The following OPHN1 variants were observed in gnomAD, a reference collection of about 807,000 sequenced individuals.
The protein encoded by OPHN1 is oligophrenin 1.
A neutral mutation model predicts 60.7 loss-of-function variants in OPHN1; 11 were observed. The ratio of observed to expected loss-of-function variants is 0.18; its 90% CI spans 0.11 to 0.30. The LOEUF (loss-of-function observed/expected upper bound fraction) is 0.30, where lower values mean the gene tolerates loss of function less well. Ranked by LOEUF, OPHN1 falls within the 10% of genes least tolerant of loss-of-function variation. OPHN1 has a pLI of 1.00. For missense variants in OPHN1, 449 were observed against 611.0 expected (o/e 0.73, Z 2.80); for synonymous variants, 226 against 222.6 (o/e 1.02, Z -0.14).
intron 9 of OPHN1, among the ~76,000 whole-genome samples, chrX:68,209,715 G>A (rs1247686605): frequency 8.9e-6 from 1 of 112,120 alleles, no homozygotes; most frequent in Non-Finnish European, 1.9e-5. Context: ...AAATGGTGAC[G>A]TCTCTGAGCC....
chrX:68,189,525 G>T (rs1279883753), intron 15 of OPHN1, among the ~76,000 whole-genome samples: 10 of 105,582 alleles, frequency 9.5e-5, no homozygotes, highest in South Asian at 4.5e-4. Context: ...CCCACAACAG[G>T]CCCCAGTGTG....
rs1297484256 is a variant in OPHN1 at position 68,111,890 on chromosome X, C to T, written c.1490G>A (p.Arg497Gln). ...SLVYKLPEKN[R>Q]EMLELLIRHL... is the part of the protein sequence containing the mutation. The stretch of plus-strand genomic sequence containing the variant: ...TCTTATCAGAAGTTCCAGCATCTCT[C>T]GGTTCTTTTCTGGTAGCTTATATAC... Residue 497 changes from arginine to glutamine, a missense_variant, in exon 18 of 25, where the codon CGA becomes CAA. Coordinates refer to ENST00000355520, the MANE Select transcript of OPHN1 (RefSeq NM_002547.3). The T allele has an allele frequency of 1.4e-5, 17 of 1,204,839 alleles. No homozygotes were observed. The highest frequency in any genetic ancestry group is 7.0e-5 in the African/African-American group (4 of 56,812).
chrX:68,239,908 C>G, intron 5 of OPHN1, among the ~76,000 whole-genome samples: 1 of 109,727 alleles, frequency 9.1e-6, no homozygotes, highest in Non-Finnish European at 1.9e-5. Context: ...CTCCCGGGTT[C>G]AAGCAATTCT....
At chrX:68,143,390 G>A in intron 15 of OPHN1, among the ~76,000 whole-genome samples, 1 of 111,315 alleles carries the variant, frequency 9.0e-6, no homozygotes, top group Admixed American at 9.6e-5. Flanking sequence ...GTCCAGGAGA[G>A]GAAAAATGTT....
At chrX:68,277,001 A>T (rs2077994887) in intron 4 of OPHN1, among the ~76,000 whole-genome samples, 1 of 111,750 alleles carries the variant, frequency 8.9e-6, no homozygotes, top group African/African-American at 3.3e-5. Flanking sequence ...AAATGCCATC[A>T]TTTGGAGCAG....
At chrX:68,263,237 A>C (rs1876265745) in intron 5 of OPHN1, among the ~76,000 whole-genome samples, 2 of 111,185 alleles carry the variant, frequency 1.8e-5, no homozygotes, top group Admixed American at 9.6e-5. Context: ...ACGAACCTCC[A>C]CTTCTATGAC....
rs1211874216 is a variant in OPHN1 at position 68,364,655 on chromosome X, G to A, written c.155-65559C>T. 2.7e-5 allele frequency among the ~76,000 whole-genome samples: 3 copies of A among 112,332 alleles called. No individual in the cohort carries two copies. In the Admixed American group the frequency reaches 2.9e-4, roughly 11 times the overall value. On this transcript the variant is annotated intron_variant, in intron 2 of 24. Transcript: ENST00000355520. ...AAAGAAAATGCTAGACAGCCATTAA[G>A]AGATCAGAGTTCAGTTTTCTACATG... is the stretch of plus-strand genomic sequence containing the variant.
intron 5 of OPHN1, among the ~76,000 whole-genome samples, chrX:68,268,176 G>A (rs188208930): frequency 3.2e-4 from 36 of 111,493 alleles, no homozygotes; most frequent in African/African-American, 1.1e-3. Context: ...GGAGCAGCTC[G>A]TACCATTCCT....
intron 2 of OPHN1, among the ~76,000 whole-genome samples, chrX:68,398,993 GTGTA>G (rs1410443334): frequency 2.2e-5 from 2 of 89,242 alleles, no homozygotes; most frequent in Non-Finnish European, 4.9e-5. Flanking sequence ...GTGTGTGTGT[GTGTA>G]TAGTAATAAT....
intron 19 of OPHN1, among the ~76,000 whole-genome samples, chrX:68,074,671 CTA>C (rs1422399105): frequency 9.0e-6 from 1 of 111,138 alleles, no homozygotes. Context: ...GCAAGCATTC[CTA>C]TCTTCCTTCC....
chrX:68,071,680 A>T, intron 20 of OPHN1: 1 of 532,190 alleles, frequency 1.9e-6, no homozygotes, highest in Non-Finnish European at 3.4e-6. Context: ...TGGTTATTCT[A>T]CACAGGAACA....
chrX:68,064,719 A>G (rs1402485407), intron 20 of OPHN1, among the ~76,000 whole-genome samples: 1 of 111,971 alleles, frequency 8.9e-6, no homozygotes, highest in Admixed American at 9.5e-5. Context: ...TCTGAGACTT[A>G]CTTAAAGCTT....
intron 15 of OPHN1, among the ~76,000 whole-genome samples, chrX:68,156,322 T>C (rs905342161): frequency 9.2e-5 from 8 of 87,424 alleles, no homozygotes; most frequent in Admixed American, 8.5e-4. Flanking sequence ...AAAAAACACA[T>C]CTCAGATTCT....
intron 3 of OPHN1, among the ~76,000 whole-genome samples, chrX:68,288,452 A>G (rs1363030983): frequency 9.0e-6 from 1 of 111,640 alleles, no homozygotes; most frequent in East Asian, 2.8e-4. Context: ...GGTCATATCT[A>G]TAGCAAATCA....
At chrX:68,356,880 C>T (rs960209526) in intron 2 of OPHN1, among the ~76,000 whole-genome samples, 3 of 111,288 alleles carry the variant, frequency 2.7e-5, no homozygotes, top group Admixed American at 9.7e-5. Context: ...AAGCCAGTCA[C>T]GAAAAACCTC....
chrX:68,347,246 C>T (rs763358539), intron 2 of OPHN1, among the ~76,000 whole-genome samples: 3 of 111,457 alleles, frequency 2.7e-5, no homozygotes, highest in Non-Finnish European at 5.6e-5. Context: ...ACTTCAAAGG[C>T]TCCTCTCAGT....
At chrX:68,219,610 C>A (rs894445197) in intron 6 of OPHN1, among the ~76,000 whole-genome samples, 4 of 111,426 alleles carry the variant, frequency 3.6e-5, no homozygotes, top group African/African-American at 1.3e-4. Flanking sequence ...CAAACTAGAA[C>A]TCAGGATTAC....
intron 2 of OPHN1, among the ~76,000 whole-genome samples, chrX:68,344,467 C>T (rs777915571): frequency 3.8e-4 from 42 of 110,069 alleles, no homozygotes; most frequent in Non-Finnish European, 6.6e-4. Context: ...CAAAAATTAG[C>T]CAGACATGGA....
At chrX:68,222,135 C>T (rs35555600) in intron 6 of OPHN1, among the ~76,000 whole-genome samples, 2 of 108,491 alleles carry the variant, frequency 1.8e-5, no homozygotes, top group East Asian at 2.9e-4. Flanking sequence ...AACAGACACT[C>T]CTCAAAAGAA....
Sources: gnomAD v4.1 joint callset for allele counts (sites outside exome capture counted in the v4.1 genomes callset) on GRCh38, gnomAD v4.1.1 for gene constraint, MANE v1.5 for transcripts, NCBI Gene and HGNC (gene_info 2026-07-23, HGNC 2026-07-21) for gene names.